Variants in MFGE8 observed in about 807,000 individuals in gnomAD.
The protein encoded by MFGE8 is lactadherin.
Under a neutral mutation model 42.6 loss-of-function variants are expected in MFGE8, and 34 were observed. The ratio of observed to expected loss-of-function variants is 0.80; its 90% CI spans 0.61 to 1.06. The LOEUF is 1.06. Ranked by LOEUF, MFGE8 falls within the 50% of genes least tolerant of loss-of-function variation. MFGE8 has a pLI of 0.00. For synonymous variants in MFGE8, 230 were observed against 214.8 expected (o/e 1.07, Z -0.62); for missense variants, 510 against 516.9 (o/e 0.99, Z 0.13).
rs779237847 is a variant in MFGE8, at chr15:88,909,912, T to TG, written c.84dup (p.Lys29GlnfsTer31). 1 of 1,614,134 alleles carries TG rather than the reference T, an allele frequency of 6.2e-7. No individual in the cohort carries two copies. Among genetic ancestry groups the TG allele is most frequent in the Non-Finnish European group, 8.5e-7 (1 of 1,179,992 alleles). On this transcript the variant is annotated frameshift_variant, in exon 2 of 8. Transcript: ENST00000268150. LOFTEE classifies it high-confidence loss of function. ...AAACCACCGTTGTGGCAGGGGTTTT[T>TG]GGAACAGATATCTGGGGACAGAGAC...
At chr15:88,900,225 G>A (rs2016994) in intron 6 of MFGE8, among the ~76,000 whole-genome samples, 6,126 of 146,724 alleles carry the variant, frequency 0.042, 201 homozygotes, top group East Asian at 0.15. Context: ...CTGGGTGACA[G>A]AGCAAGGCTC....
rs772395573 is a variant in MFGE8 at position 88,912,189 on chromosome 15, ATCTTTGGGACTTCAGAG to A, written c.73+1041_73+1057del. 201 of 1,289,826 alleles carry A rather than the reference ATCTTTGGGACTTCAGAG, an allele frequency of 1.6e-4. 4 individuals are homozygous for A. The South Asian group carries it at 1.6e-3, about 10-fold the overall frequency. The allele number at this position is 1,289,826 out of a possible 1,614,324, so 79.9% of individuals were successfully genotyped here. A position where few individuals can be genotyped will look rare whatever the true frequency, so the allele number is the denominator to read the frequency against. On this transcript the variant is annotated intron_variant, in intron 1 of 7. Transcript: ENST00000268150. ...AGGCCACATCACCCTGTATAAAAAC[ATCTTTGGGACTTCAGAG>A]TCCTGCTCTTTCGGGGACTTTCCAG...
At chr15:88,912,071 G>A (rs959380444) in intron 1 of MFGE8, 110 of 1,271,090 alleles carry the variant, frequency 8.7e-5, no homozygotes, top group Middle Eastern at 6.4e-4. Flanking sequence ...AGGGCAAAAC[G>A]GTCCAGTGGG....
chr15:88,913,306 C>CG lies in MFGE8; in HGVS notation c.13dup (p.Arg5ProfsTer55). ...CGCGCCGCACAGCGCGGCCAGCAGG[C>CG]GGGGGCGCGGCATGCTGCGGGGACG... On this transcript the variant is annotated frameshift_variant, in exon 1 of 8. Coordinates refer to ENST00000268150, the MANE Select transcript of MFGE8 (RefSeq NM_005928.4). LOFTEE classifies it high-confidence loss of function. 6.8e-7 allele frequency: 1 copy of CG among 1,462,098 alleles called. No individual in the cohort carries two copies. Among genetic ancestry groups the CG allele is most frequent in the Non-Finnish European group, 9.0e-7 (1 of 1,117,036 alleles). The allele number at this position is 1,462,098 out of a possible 1,614,324, so 90.6% of individuals were successfully genotyped here.
chr15:88,906,671 A>T lies in MFGE8; in HGVS notation c.495T>A (p.Asn165Lys). Residue 165 changes from asparagine to lysine, a missense_variant, in exon 4 of 8, where the codon AAT (asparagine) becomes AAA (lysine). Physicochemically the swap from Asn to Lys is moderately conservative, Grantham distance 94. Transcript: ENST00000268150. The surrounding 1 kb of genome is among the most constrained non-coding windows in gnomAD (Gnocchi z 4.2). ...CATGGATGAAATCGAATTCGTGTCCATTAAGGCTGTAGGCCACCTTGAAGG... is the reference window on the plus strand; with the variant it reads ...CATGGATGAAATCGAATTCGTGTCCTTTAAGGCTGTAGGCCACCTTGAAGG... ...LKAFKVAYSL[N>K]GHEFDFIHDV... The T allele has an allele frequency of 6.2e-7, 1 of 1,614,000 alleles. No individual in the cohort carries two copies. The highest frequency in any genetic ancestry group is 8.5e-7 in the Non-Finnish European group (1 of 1,179,958).
At chr15:88,901,832 AC>A in intron 5 of MFGE8, 97 bp from the exon 6 acceptor site, 1 of 1,206,204 alleles carries the variant, frequency 8.3e-7, no homozygotes, top group South Asian at 1.3e-5. Flanking sequence ...GTGGATCCTG[AC>A]CAGCCCCTGT....
At chr15:88,901,234 C>CACACATTCACACAT (rs1898397112) in intron 6 of MFGE8, among the ~76,000 whole-genome samples, 5 of 58,118 alleles carry the variant, frequency 8.6e-5, no homozygotes, top group Admixed American at 2.1e-4. Context: ...TACACATTCA[C>CACACATTCACACAT]ACACACATTC....
At chr15:88,901,488 G>A in intron 6 of MFGE8, 63 bp downstream of exon 6, 5 of 1,524,160 alleles carry the variant, frequency 3.3e-6, no homozygotes, top group Non-Finnish European at 3.6e-6. Context: ...AGAGGTCAAA[G>A]ATCTGGCAGT....
chr15:88,901,528 AT>A, intron 6 of MFGE8, 22 bp downstream of exon 6: 64 of 1,114,460 alleles, frequency 5.7e-5, no homozygotes, highest in East Asian at 6.7e-5. Flanking sequence ...CCCCAGCCCC[AT>A]ATCCCAAGAA....
At position 88,905,823 on chromosome 15, in the gene MFGE8, A is replaced by G. The variant is rs540572971; in HGVS notation, c.619T>C (p.Leu207=). The change falls in exon 5 of 8, where the codon TTG becomes CTG. Residue 207 remains leucine (L), a synonymous_variant. Coordinates refer to ENST00000268150, the MANE Select transcript of MFGE8 (RefSeq NM_005928.4). The surrounding 1 kb of genome is among the most constrained non-coding windows in gnomAD (Gnocchi z 6.6). ...GCCGTGTGGCAGCTCGTGGGGTACA[A>G]TCTCACGTACTGAGCCTCCACAGGG... is the stretch of plus-strand genomic sequence containing the variant. ...ETPVEAQYVR[L]YPTSCHTACT... is the part of the protein sequence containing the mutation. 1.9e-6 allele frequency: 3 copies of G among 1,614,202 alleles called. No individual in the cohort carries two copies. Among genetic ancestry groups the G allele is most frequent in the African/African-American group, 1.3e-5 (1 of 75,054 alleles).
chr15:88,899,386 A>G lies in MFGE8; in HGVS notation c.*9T>C, dbSNP rs1477865334. The stretch of plus-strand genomic sequence containing the variant: ...GAAAGCAGGAAGACCTGGGGGTGGC[A>G]GGTGGCCACTAACAGCCCAGCAGCT... On this transcript the variant is annotated 3_prime_UTR_variant, in exon 8 of 8. Transcript: ENST00000268150. The surrounding 1 kb of genome is among the most constrained non-coding windows in gnomAD (Gnocchi z 6.8). The G allele has an allele frequency of 1.2e-6, 2 of 1,613,968 alleles. No individual in the cohort carries two copies. The highest frequency in any genetic ancestry group is 1.7e-6 in the Non-Finnish European group (2 of 1,179,952).
chr15:88,908,202 G>A lies in MFGE8; in HGVS notation c.206-826C>T, dbSNP rs191223160. Among the ~76,000 whole-genome samples the A allele has an allele frequency of 5.3e-5, 8 of 152,244 alleles. No individual in the cohort carries two copies. In the East Asian group the frequency reaches 1.2e-3, roughly 22 times the overall value. On this transcript the variant is annotated intron_variant, in intron 2 of 7. Coordinates refer to ENST00000268150, the MANE Select transcript of MFGE8 (RefSeq NM_005928.4). ...CTCATCACCTGGGGATCCCCCCAGCGTGTGCCTGGGCCTTCCAGCTGCCAA... is the reference window on the plus strand; with the variant it reads ...CTCATCACCTGGGGATCCCCCCAGCATGTGCCTGGGCCTTCCAGCTGCCAA...
chr15:88,905,892 C>T lies in MFGE8; in HGVS notation c.550G>A (p.Gly184Ser). The T allele has an allele frequency of 6.2e-7, 1 of 1,614,146 alleles. No homozygotes were observed. The highest frequency in any genetic ancestry group is 8.5e-7 in the Non-Finnish European group (1 of 1,180,006). ...TGCACCGCGTTTTTGTTCCAGTTAC[C>T]CACAAACTCCTAGCAGGGAAGGGAC... is the stretch of plus-strand genomic sequence containing the variant. ...DVNKKHKEFV[G>S]NWNKNAVHVN... is the part of the protein sequence containing the mutation. Residue 184 changes from glycine (G) to serine (S), a missense_variant, in exon 5 of 8, where the codon GGT (glycine) becomes AGT (serine). Transcript: ENST00000268150. This position sits in a 1 kb window ranked among gnomAD's most constrained non-coding sequence, Gnocchi z 6.6.
chr15:88,906,866 C>G lies in MFGE8; in HGVS notation c.388-88G>C. 6.5e-7 allele frequency: 1 copy of G among 1,530,908 alleles called. No homozygotes were observed. Among genetic ancestry groups the G allele is most frequent in the South Asian group, 1.1e-5 (1 of 88,724 alleles). The allele number at this position is 1,530,908 out of a possible 1,614,324, so 94.8% of individuals were successfully genotyped here. On this transcript the variant is annotated intron_variant, in intron 3 of 7. Coordinates refer to ENST00000268150, the MANE Select transcript of MFGE8 (RefSeq NM_005928.4). The surrounding 1 kb of genome is among the most constrained non-coding windows in gnomAD (Gnocchi z 4.2). ...GCAGACCCATCCCTTCACTCCCCCA[C>G]TGGGTGGGGGAACAACTCAAGCAAA...
intron 2 of MFGE8, 108 bp from the exon 3 acceptor site, chr15:88,907,484 A>G: frequency 1.0e-6 from 1 of 980,124 alleles, no homozygotes; most frequent in Non-Finnish European, 1.6e-6. Flanking sequence ...CCTAAGCCCC[A>G]GGGCCAGGGA....
chr15:88,904,739 C>T (rs1474408959), intron 5 of MFGE8: 1 of 152,282 alleles, frequency 6.6e-6, no homozygotes, highest in Non-Finnish European at 1.5e-5. Context: ...ACACTGAACC[C>T]AGCCAGGCAC....
chr15:88,906,015 G>T lies in MFGE8; in HGVS notation c.541-114C>A. 7.6e-7 allele frequency: 1 copy of T among 1,320,882 alleles called. No homozygotes were observed. The highest frequency in any genetic ancestry group is 1.1e-6 in the Non-Finnish European group (1 of 924,192). 81.8% of individuals were successfully genotyped at this position (1,320,882 alleles called of 1,614,324 possible). Reference sequence around the variant, plus strand: ...GAGGCAGAGGTGGGGCTGGGAGGGTGAAGAGGACTTGGAAGAGCCAGCAGA... The same window carrying T: ...GAGGCAGAGGTGGGGCTGGGAGGGTTAAGAGGACTTGGAAGAGCCAGCAGA... On this transcript the variant is annotated intron_variant, in intron 4 of 7. Coordinates refer to ENST00000268150, the MANE Select transcript of MFGE8 (RefSeq NM_005928.4). The surrounding 1 kb of genome is among the most constrained non-coding windows in gnomAD (Gnocchi z 4.2).
intron 1 of MFGE8, 47 bp downstream of exon 1, chr15:88,913,200 G>A: frequency 6.7e-7 from 1 of 1,483,944 alleles, no homozygotes; most frequent in South Asian, 1.3e-5. Context: ...CTTCCGAGCG[G>A]CGCGGGGAGG....
At chr15:88,912,550 C>T (rs1899015622) in intron 1 of MFGE8, 1 of 985,368 alleles carries the variant, frequency 1.0e-6, no homozygotes, top group African/African-American at 1.7e-5. Flanking sequence ...GTCCAGCCTG[C>T]AAGGGGCCCA....
Sources: allele counts gnomAD v4.1 joint callset (sites outside exome capture counted in the v4.1 genomes callset), GRCh38; gene constraint gnomAD v4.1.1; non-coding constraint Gnocchi (gnomAD v3.1); transcripts MANE v1.5; gene names NCBI Gene and HGNC (gene_info 2026-07-23, HGNC 2026-07-21).